Variants in GSE1 observed in about 807,000 individuals in gnomAD.
GSE1 encodes genetic suppressor element 1.
GSE1 carries 32 observed loss-of-function variants against 112.6 expected under a neutral mutation model. The ratio of observed to expected loss-of-function variants is 0.28; its 90% CI spans 0.21 to 0.38. GSE1 has a LOEUF of 0.38. GSE1 is among the 10% of genes least tolerant of loss of function. The pLI is 1.00. For missense variants in GSE1, 2,348 were observed against 1,699.2 expected, an observed-to-expected ratio of 1.38 and a Z score of -6.71; for synonymous variants, 1,115 against 735.6, an observed-to-expected ratio of 1.52 and a Z score of -8.35.
At chr16:85,294,971 G>C (rs1458279216) in intron 1 of GSE1, among the ~76,000 whole-genome samples, 1 of 151,636 alleles carries the variant, frequency 6.6e-6, no homozygotes. Context: ...GGCTGGTCTC[G>C]AACGTCTCAC....
At chr16:85,182,001 T>G (rs1433926058) in intron 1 of GSE1, among the ~76,000 whole-genome samples, 13 of 152,186 alleles carry the variant, frequency 8.5e-5, no homozygotes. Context: ...CTTGTGCAAT[T>G]GTACCCAGGA....
chr16:85,182,878 C>T (rs952791471), intron 1 of GSE1, among the ~76,000 whole-genome samples: 6 of 152,058 alleles, frequency 3.9e-5, no homozygotes, highest in African/African-American at 1.2e-4. Flanking sequence ...CCACACACCC[C>T]AGCACACCCG....
At chr16:85,273,998 G>C (rs762279737) in intron 1 of GSE1, among the ~76,000 whole-genome samples, 1 of 150,834 alleles carries the variant, frequency 6.6e-6, no homozygotes, top group Admixed American at 6.6e-5. Flanking sequence ...CACCCATCCA[G>C]GGTCTCTTTT....
chr16:85,175,967 C>T (rs1456181822), intron 1 of GSE1, among the ~76,000 whole-genome samples: 1 of 152,168 alleles, frequency 6.6e-6, no homozygotes, highest in Non-Finnish European at 1.5e-5. Flanking sequence ...CCAGCCTCTA[C>T]TTGGTCTTGC....
At chr16:85,634,260 G>A (rs1426453229) in intron 2 of GSE1, 128 bp downstream of exon 2, 2 of 650,826 alleles carry the variant, frequency 3.1e-6, no homozygotes, top group Admixed American at 8.3e-5. Flanking sequence ...TCTGCATGGA[G>A]CAGGCAGTGC....
intron 2 of GSE1, among the ~76,000 whole-genome samples, chr16:85,413,875 TAGTG>T (rs1474731165): frequency 6.6e-6 from 1 of 152,166 alleles, no homozygotes; most frequent in Non-Finnish European, 1.5e-5. Flanking sequence ...GTTCTCGTGA[TAGTG>T]AGTGAGTTCT....
intron 2 of GSE1, among the ~76,000 whole-genome samples, chr16:85,388,481 T>TGGGG (rs1597572746): frequency 1.6e-5 from 1 of 60,632 alleles, no homozygotes; most frequent in East Asian, 5.6e-4. Context: ...GATGGGTGGG[T>TGGGG]GGGTGGGTGG....
At chr16:85,632,640 G>A (rs2049634427) in intron 1 of GSE1, among the ~76,000 whole-genome samples, 1 of 152,192 alleles carries the variant, frequency 6.6e-6, no homozygotes, top group East Asian at 1.9e-4. Flanking sequence ...GGGCTCTGGA[G>A]GCCAGGGCAG....
chr16:85,578,917 G>A (rs1046445856), intron 1 of GSE1, among the ~76,000 whole-genome samples: 23 of 150,878 alleles, frequency 1.5e-4, no homozygotes, highest in African/African-American at 5.6e-4. Context: ...CAACTGGACT[G>A]TAAGCTCCCC....
rs570830550 is a variant in GSE1, at chr16:85,623,552, C to CA, written c.7+10155dup. Among the ~76,000 whole-genome samples the CA allele has an allele frequency of 2.4e-3, 363 of 152,318 alleles. 2 individuals are homozygous for CA. Among genetic ancestry groups the CA allele is most frequent in the Non-Finnish European group, 3.1e-3 (211 of 68,018 alleles). On this transcript the variant is annotated intron_variant, in intron 1 of 15. Coordinates refer to ENST00000253458, the MANE Select transcript of GSE1 (RefSeq NM_014615.5). ...GACCAAGCCCTTTTTGCTCTGCCCC[C>CA]ATAGTGTGTTCCCTCGAGGCCCCAC...
intron 2 of GSE1, among the ~76,000 whole-genome samples, chr16:85,379,097 C>A (rs550274502): frequency 6.6e-6 from 1 of 152,294 alleles, no homozygotes; most frequent in Non-Finnish European, 1.5e-5. Context: ...GCTGCCATCT[C>A]CCTGCACTCT....
intron 2 of GSE1, among the ~76,000 whole-genome samples, chr16:85,443,966 G>A (rs1012243912): frequency 3.3e-5 from 5 of 149,654 alleles, no homozygotes; most frequent in Non-Finnish European, 5.9e-5. Context: ...GCCACGTTCC[G>A]GGAGACAAGG....
At chr16:85,512,830 C>T (rs1318278406) in intron 2 of GSE1, among the ~76,000 whole-genome samples, 1 of 152,052 alleles carries the variant, frequency 6.6e-6, no homozygotes, top group Non-Finnish European at 1.5e-5. Flanking sequence ...TATAGGGGGA[C>T]CCCAATCTTG....
chr16:85,199,286 A>G (rs994559236), intron 1 of GSE1, among the ~76,000 whole-genome samples: 1 of 151,776 alleles, frequency 6.6e-6, no homozygotes, highest in African/African-American at 2.4e-5. Context: ...GGGTTTCACT[A>G]TGTTGTCCAG....
intron 1 of GSE1, among the ~76,000 whole-genome samples, chr16:85,179,250 A>C (rs2074532200): frequency 6.6e-6 from 1 of 152,048 alleles, no homozygotes; most frequent in Non-Finnish European, 1.5e-5. Context: ...GAGTGGAATC[A>C]TCTAATTCGT....
intron 2 of GSE1, among the ~76,000 whole-genome samples, chr16:85,522,384 C>T (rs1270371666): frequency 2.7e-5 from 4 of 150,530 alleles, no homozygotes; most frequent in Admixed American, 2.0e-4. Context: ...AGCTCTCCCT[C>T]CCCTCCCCAG....
chr16:85,375,371 G>A (rs1213352442), intron 2 of GSE1, among the ~76,000 whole-genome samples: 2 of 152,254 alleles, frequency 1.3e-5, no homozygotes, highest in Non-Finnish European at 1.5e-5. Context: ...GAGCAGGACC[G>A]CAGCCATGAG....
intron 2 of GSE1, among the ~76,000 whole-genome samples, chr16:85,496,013 G>A (rs573285036): frequency 6.6e-5 from 10 of 152,320 alleles, no homozygotes; most frequent in South Asian, 4.1e-4. Context: ...GCCTCAGAGC[G>A]TCACAGGGAA....
intron 2 of GSE1, among the ~76,000 whole-genome samples, chr16:85,536,326 T>A (rs2044325314): frequency 6.6e-6 from 1 of 152,104 alleles, no homozygotes; most frequent in African/African-American, 2.4e-5. Flanking sequence ...TCTCAGTAAG[T>A]AACAGTGGAG....
Sources: allele counts gnomAD v4.1 joint callset (sites outside exome capture counted in the v4.1 genomes callset), GRCh38; gene constraint gnomAD v4.1.1; transcripts MANE v1.5; gene names NCBI Gene and HGNC (gene_info 2026-07-23, HGNC 2026-07-21).